The following DNMT3A variants were observed in gnomAD, a reference collection of about 807,000 sequenced individuals.
DNMT3A encodes DNA methyltransferase 3 alpha.
A neutral mutation model predicts 117.6 loss-of-function variants in DNMT3A; 267 were observed. The observed-to-expected ratio is 2.27, with a 90% CI of 2.05 to 2.51. The LOEUF (loss-of-function observed/expected upper bound fraction) is 2.51. Ranked by LOEUF, DNMT3A falls within the 30% of genes most tolerant of loss-of-function variation. The probability of loss-of-function intolerance (pLI) is 0.00; values close to 1 mark genes in which losing one functional copy is unlikely to be tolerated. For synonymous variants in DNMT3A, 432 were observed against 474.8 expected (o/e 0.91, Z 1.17); for missense variants, 1,029 against 1,260.2 (o/e 0.82, Z 2.78).
chr2:25,259,018 C>G (rs890979609), intron 6 of DNMT3A, among the ~76,000 whole-genome samples: 1 of 152,218 alleles, frequency 6.6e-6, no homozygotes, highest in African/African-American at 2.4e-5. Flanking sequence ...CTCCCCTTCT[C>G]TCCCCACCTC....
At chr2:25,333,503 G>GT (rs1317949339) in intron 1 of DNMT3A, among the ~76,000 whole-genome samples, 1 of 151,692 alleles carries the variant, frequency 6.6e-6, no homozygotes, top group Non-Finnish European at 1.5e-5. Flanking sequence ...CTAAATTTTT[G>GT]TATTTTTAGT....
At chr2:25,268,085 G>A (rs969970721) in intron 6 of DNMT3A, among the ~76,000 whole-genome samples, 3 of 152,216 alleles carry the variant, frequency 2.0e-5, no homozygotes, top group African/African-American at 4.8e-5. Context: ...CTGCTGGGCA[G>A]CCCTGGGCGG....
intron 1 of DNMT3A, among the ~76,000 whole-genome samples, chr2:25,321,699 G>A (rs561345690): frequency 6.6e-5 from 10 of 152,316 alleles, no homozygotes; most frequent in Admixed American, 5.9e-4. Flanking sequence ...CCAGTCTGAT[G>A]ACACAGGGAG....
chr2:25,253,973 G>A (rs560252615), intron 6 of DNMT3A, among the ~76,000 whole-genome samples: 1 of 151,994 alleles, frequency 6.6e-6, no homozygotes, highest in South Asian at 2.1e-4. Flanking sequence ...TTGGGAGGCT[G>A]AGGCAAGAGA....
At position 25,252,503 on chromosome 2, in the gene DNMT3A, G is replaced by A. The variant is rs982841286; in HGVS notation, c.640-4251C>T. ...CGGTCCGAGGGGCGCGGGGCCGGGG[G>A]GCGAGGCCGTTCCCCGCCCGTTCCC... On this transcript the variant is annotated intron_variant, in intron 6 of 22. Transcript: ENST00000321117. The surrounding 1 kb of genome is among the most constrained non-coding windows in gnomAD (Gnocchi z 5.5). Among the ~76,000 whole-genome samples, 1 of 152,104 alleles carries A rather than the reference G, an allele frequency of 6.6e-6. No homozygotes were observed. Among genetic ancestry groups the A allele is most frequent in the African/African-American group, 2.4e-5 (1 of 41,456 alleles).
Position 25,327,090 on chromosome 2 carries a change from C to T in DNMT3A, c.-177-12929G>A, listed in dbSNP as rs3955308. ...CATCAAGGTGTGGATCTCAACCCTG[C>T]GGGGCCTCTTCCTTGGGCACTCTGT... On this transcript the variant is annotated intron_variant, in intron 1 of 22. Coordinates refer to ENST00000321117, the MANE Select transcript of DNMT3A (RefSeq NM_022552.5). The surrounding 1 kb of genome is among the most constrained non-coding windows in gnomAD (Gnocchi z 4.1). 0.048 allele frequency among the ~76,000 whole-genome samples: 7,261 copies of T among 151,226 alleles called. 231 individuals carry two copies. The highest frequency in any genetic ancestry group is 0.079 in the African/African-American group (3,249 of 41,196).
intron 6 of DNMT3A, chr2:25,249,875 C>T: frequency 1.1e-6 from 1 of 876,376 alleles, no homozygotes; most frequent in South Asian, 1.6e-5. Flanking sequence ...TTCTACATGC[C>T]TTTCAAAAGA....
At position 25,232,159 on chromosome 2, in the gene DNMT3A, C is replaced by CTATCACTGT. The variant is rs999469178; in HGVS notation, c.*2119_*2120insACAGTGATA. The CTATCACTGT allele has an allele frequency of 6.6e-6, 1 of 152,088 alleles. No homozygotes were observed. The highest frequency in any genetic ancestry group is 6.5e-5 in the Admixed American group (1 of 15,270). 9.4% of individuals were successfully genotyped at this position (152,088 alleles called of 1,614,324 possible). ...ATAGAGCGCCTATCACTGTAGGCCC[C>CTATCACTGT]ATCTTTCTAGGGACGTGGACTTGGG... On this transcript the variant is annotated 3_prime_UTR_variant, in exon 23 of 23. Transcript: ENST00000321117. The surrounding 1 kb of genome is among the most constrained non-coding windows in gnomAD (Gnocchi z 4.1).
chr2:25,295,252 G>A (rs570217732), intron 3 of DNMT3A, among the ~76,000 whole-genome samples: 2 of 152,190 alleles, frequency 1.3e-5, no homozygotes, highest in South Asian at 2.1e-4. Flanking sequence ...TCAGCTCCAC[G>A]CACCAGCCCC....
intron 6 of DNMT3A, among the ~76,000 whole-genome samples, chr2:25,251,219 G>A (rs1394054814): frequency 6.6e-6 from 1 of 151,436 alleles, no homozygotes; most frequent in African/African-American, 2.4e-5. Context: ...GAGCTGGGTG[G>A]GGGAGGGGCC....
rs146851081 is a variant in DNMT3A at position 25,238,981 on chromosome 2, A to G, written c.2408+149T>C. The G allele has an allele frequency of 9.6e-4, 622 of 647,128 alleles. 4 individuals carry two copies. In the African/African-American group the frequency reaches 9.7e-3, roughly 10 times the overall value. 40.1% of individuals were successfully genotyped at this position (647,128 alleles called of 1,614,324 possible). On this transcript the variant is annotated intron_variant, in intron 20 of 22. Transcript: ENST00000321117. ...TATACCCTGACTCCTCTTCCTCCTCAAGGAAAAGGAAATAAGGAACATGGC... is the reference window on the plus strand; with the variant it reads ...TATACCCTGACTCCTCTTCCTCCTCGAGGAAAAGGAAATAAGGAACATGGC...
At chr2:25,251,319 CA>C (rs1390790838) in intron 6 of DNMT3A, among the ~76,000 whole-genome samples, 1 of 151,756 alleles carries the variant, frequency 6.6e-6, no homozygotes, top group East Asian at 1.9e-4. Context: ...ATAAGAGAAA[CA>C]GGGGTGAACT....
At position 25,293,522 on chromosome 2, in the gene DNMT3A, C is replaced by A. The variant is rs544612826; in HGVS notation, c.177+6617G>T. 6.6e-6 allele frequency among the ~76,000 whole-genome samples: 1 copy of A among 152,176 alleles called. No homozygotes were observed. The highest frequency in any genetic ancestry group is 6.5e-5 in the Admixed American group (1 of 15,278). ...CTTCTTTCTTTGAGACAGGGTTTTG[C>A]TCTGTCACCCAGCTGGAGTGCAGTG... On this transcript the variant is annotated intron_variant, in intron 3 of 22. Transcript: ENST00000321117. This position sits in a 1 kb window ranked among gnomAD's most constrained non-coding sequence, Gnocchi z 4.7.
chr2:25,246,936 G>C, intron 9 of DNMT3A, 115 bp downstream of exon 9: 5 of 1,460,270 alleles, frequency 3.4e-6, no homozygotes, highest in Non-Finnish European at 4.7e-6. Context: ...GAGGTGGAGA[G>C]AAAGGAGTCG....
At position 25,247,339 on chromosome 2, in the gene DNMT3A, C is replaced by G; in HGVS notation, c.1015-181G>C. On this transcript the variant is annotated intron_variant, in intron 8 of 22. Coordinates refer to ENST00000321117, the MANE Select transcript of DNMT3A (RefSeq NM_022552.5). The surrounding 1 kb of genome is among the most constrained non-coding windows in gnomAD (Gnocchi z 5.6). The stretch of plus-strand genomic sequence containing the variant: ...GTCCAGACCAAGAGTAGGGAAGTAC[C>G]TGAGTGCAGGTGGAAAGGAATTCTA... 1.3e-6 allele frequency: 1 copy of G among 774,178 alleles called. No individual in the cohort carries two copies. Among genetic ancestry groups the G allele is most frequent in the Non-Finnish European group, 2.1e-6 (1 of 486,336 alleles). The allele number at this position is 774,178 out of a possible 1,614,324, so 48.0% of individuals were successfully genotyped here.
intron 1 of DNMT3A, among the ~76,000 whole-genome samples, chr2:25,317,225 C>CTT (rs34464455): frequency 1.0e-4 from 13 of 128,774 alleles, no homozygotes; most frequent in Non-Finnish European, 1.3e-4. Flanking sequence ...CCACACCTGG[C>CTT]TTTTTTTTTT....
At chr2:25,291,374 A>G (rs1573439515) in intron 3 of DNMT3A, among the ~76,000 whole-genome samples, 1 of 152,166 alleles carries the variant, frequency 6.6e-6, no homozygotes, top group East Asian at 1.9e-4. Flanking sequence ...ATCTGATAGC[A>G]GCTGGAAGTG....
Position 25,247,716 on chromosome 2 carries a change from A to T in DNMT3A, c.889T>A (p.Trp297Arg), listed in dbSNP as rs751916447. The change falls in exon 8 of 23, where the codon TGG becomes AGG. Residue 297 changes from tryptophan to arginine, a missense_variant. Physicochemically the swap from Trp to Arg is moderately radical, Grantham distance 101 (BLOSUM62 -3). Transcript: ENST00000321117. This position sits in a 1 kb window ranked among gnomAD's most constrained non-coding sequence, Gnocchi z 5.6. ...CAGGAGAAGCCCCGCAGTTTCCCCCACACCAGCTCCCCAATGCCAAAGCCC... is the reference window on the plus strand; with the variant it reads ...CAGGAGAAGCCCCGCAGTTTCCCCCTCACCAGCTCCCCAATGCCAAAGCCC... ...GRGFGIGELV[W>R]GKLRGFSWWP... The T allele has an allele frequency of 6.2e-7, 1 of 1,612,476 alleles. No individual in the cohort carries two copies. Among genetic ancestry groups the T allele is most frequent in the East Asian group, 2.2e-5 (1 of 44,824 alleles).
In DNMT3A at chr2:25,282,779, G is replaced by A; in HGVS notation, c.178-68C>T. ...TGGGCTTAGCCTGTTTTGGATCATTGACCGCTCTGAAATTCTAGAGAATGT... is the reference window on the plus strand; with the variant it reads ...TGGGCTTAGCCTGTTTTGGATCATTAACCGCTCTGAAATTCTAGAGAATGT... On this transcript the variant is annotated intron_variant, in intron 3 of 22. Transcript: ENST00000321117. This position sits in a 1 kb window ranked among gnomAD's most constrained non-coding sequence, Gnocchi z 5.2. 6.8e-7 allele frequency: 1 copy of A among 1,471,878 alleles called. No individual in the cohort carries two copies. 91.2% of individuals were successfully genotyped at this position (1,471,878 alleles called of 1,614,324 possible).
Sources: gnomAD v4.1 joint callset for allele counts (sites outside exome capture counted in the v4.1 genomes callset) on GRCh38, gnomAD v4.1.1 for gene constraint, Gnocchi (gnomAD v3.1) non-coding constraint, MANE v1.5 for transcripts, NCBI Gene and HGNC (gene_info 2026-07-23, HGNC 2026-07-21) for gene names.